Variants in ARHGAP8 observed in about 807,000 individuals in gnomAD.
ARHGAP8 encodes Rho GTPase activating protein 8.
Under a neutral mutation model 46.1 loss-of-function variants are expected in ARHGAP8, and 62 were observed. That is an observed-to-expected ratio of 1.34 (90% CI 1.10 to 1.66). ARHGAP8 has a LOEUF of 1.66. ARHGAP8 is among the 40% of genes most tolerant of loss of function. The probability of loss-of-function intolerance (pLI) is 0.00; values close to 1 mark genes in which losing one functional copy is unlikely to be tolerated. For synonymous variants in ARHGAP8, 375 were observed against 243.1 expected (o/e 1.54, Z -5.05); for missense variants, 923 against 568.4 (o/e 1.62, Z -6.34).
intron 5 of ARHGAP8, among the ~76,000 whole-genome samples, chr22:44,819,820 C>A (rs1413848611): frequency 6.6e-6 from 1 of 152,174 alleles, no homozygotes; most frequent in Non-Finnish European, 1.5e-5. Context: ...GGTTGGTGCT[C>A]AGAGAGGTTA....
chr22:44,792,197 A>G (rs1927742355), intron 2 of ARHGAP8, among the ~76,000 whole-genome samples: 1 of 152,054 alleles, frequency 6.6e-6, no homozygotes, highest in African/African-American at 2.4e-5. Context: ...TTTTTAGTAG[A>G]GATGGGGTTT....
intron 1 of ARHGAP8, among the ~76,000 whole-genome samples, chr22:44,755,033 T>A (rs761159942): frequency 6.6e-6 from 1 of 152,098 alleles, no homozygotes; most frequent in Non-Finnish European, 1.5e-5. Context: ...TGGCTGTCCT[T>A]CCCCACTGCG....
rs993543613 is a variant in ARHGAP8 at position 44,840,732 on chromosome 22, C to T, written c.597-4537C>T. On this transcript the variant is annotated intron_variant, in intron 7 of 11. Transcript: ENST00000356099. ...CCGTTGGCTCACAGCTCAACGAAGC[C>T]GGCACATCCCTTTTCGTGATGAGGA... Among the ~76,000 whole-genome samples the T allele has an allele frequency of 7.9e-5, 12 of 152,310 alleles. 1 individual carries two copies. The highest frequency in any genetic ancestry group is 2.1e-4 in the South Asian group (1 of 4,820).
chr22:44,837,183 C>A (rs897384048), intron 7 of ARHGAP8, among the ~76,000 whole-genome samples: 4 of 152,222 alleles, frequency 2.6e-5, no homozygotes, highest in Non-Finnish European at 4.4e-5. Context: ...CTGCACCCAG[C>A]CCCTACTGTT....
intron 1 of ARHGAP8, among the ~76,000 whole-genome samples, chr22:44,762,344 G>GAGGATC (rs1268212683): frequency 6.6e-6 from 1 of 152,038 alleles, no homozygotes; most frequent in African/African-American, 2.4e-5. Context: ...GCTGAGGTGG[G>GAGGATC]AGGATCGCTT....
At chr22:44,776,403 G>A (rs1008479907) in intron 1 of ARHGAP8, among the ~76,000 whole-genome samples, 3 of 151,962 alleles carry the variant, frequency 2.0e-5, no homozygotes, top group Non-Finnish European at 2.9e-5. Context: ...AGTGAGCTGA[G>A]GTCGCGCCAT....
At chr22:44,857,717 A>G (rs2070270079) in intron 10 of ARHGAP8, among the ~76,000 whole-genome samples, 1 of 152,178 alleles carries the variant, frequency 6.6e-6, no homozygotes, top group African/African-American at 2.4e-5. Context: ...CCAGAGGAGA[A>G]AGGGGAGGTC....
intron 7 of ARHGAP8, among the ~76,000 whole-genome samples, chr22:44,828,477 TCTCA>T (rs1679395344): frequency 6.8e-6 from 1 of 146,108 alleles, no homozygotes; most frequent in Non-Finnish European, 1.5e-5. Context: ...TGAAATGGAG[TCTCA>T]CTCTGTTGCC....
chr22:44,859,805 C>A lies in ARHGAP8; in HGVS notation c.952C>A (p.Leu318Ile), dbSNP rs772476750. Reference protein sequence around the residue: ...RSLPEHNYVVLRYLMGFLHAV... With the variant: ...RSLPEHNYVVIRYLMGFLHAV... ...CCTCCCAGAGCACAACTACGTCGTC[C>A]TCCGCTACCTCATGGGCTTCCTGCA... The change falls in exon 11 of 12, where the codon CTC (leucine) becomes ATC (isoleucine). Residue 318 changes from leucine to isoleucine, a missense_variant. Physicochemically the swap from Leu to Ile is conservative, Grantham distance 5. Coordinates refer to ENST00000356099, the MANE Select transcript of ARHGAP8 (RefSeq NM_181335.3). The A allele has an allele frequency of 3.7e-6, 6 of 1,613,950 alleles. No individual in the cohort carries two copies. In the African/African-American group the frequency reaches 8.0e-5, roughly 22 times the overall value.
Position 44,859,771 on chromosome 22 carries a change from C to G in ARHGAP8, c.918C>G (p.Ile306Met), listed in dbSNP as rs538813080. Residue 306 changes from isoleucine to methionine, a missense_variant, in exon 11 of 12, where the codon ATC becomes ATG. Transcript: ENST00000356099. Reference sequence around the variant, plus strand: ...TGCGTGTCACTGGCTGCCGCCAGATCTTACGGAGCCTCCCAGAGCACAACT... The same window carrying G: ...TGCGTGTCACTGGCTGCCGCCAGATGTTACGGAGCCTCCCAGAGCACAACT... ...SSLRVTGCRQ[I>M]LRSLPEHNYV... is the part of the protein sequence containing the mutation. The G allele has an allele frequency of 1.9e-6, 3 of 1,613,972 alleles. No individual in the cohort carries two copies. Among genetic ancestry groups the G allele is most frequent in the Non-Finnish European group, 1.7e-6 (2 of 1,180,042 alleles).
At chr22:44,810,557 C>T (rs980043568) in intron 4 of ARHGAP8, among the ~76,000 whole-genome samples, 6 of 152,110 alleles carry the variant, frequency 3.9e-5, no homozygotes, top group Admixed American at 2.0e-4. Flanking sequence ...TTTTATTAAG[C>T]GTTAGATGGG....
chr22:44,840,981 C>T (rs888473342), intron 7 of ARHGAP8, among the ~76,000 whole-genome samples: 1 of 152,222 alleles, frequency 6.6e-6, no homozygotes, highest in Non-Finnish European at 1.5e-5. Context: ...CCGTGCCAGG[C>T]ACTGCCAGCT....
At chr22:44,822,779 T>G (rs1010610555) in intron 6 of ARHGAP8, among the ~76,000 whole-genome samples, 2 of 152,354 alleles carry the variant, frequency 1.3e-5, no homozygotes, top group East Asian at 3.9e-4. Context: ...TTTTTGCTTT[T>G]GAGCAGAAAA....
At chr22:44,759,238 C>A (rs9614567) in intron 1 of ARHGAP8, among the ~76,000 whole-genome samples, 1 of 152,096 alleles carries the variant, frequency 6.6e-6, no homozygotes, top group African/African-American at 2.4e-5. Context: ...GAGACTCAGA[C>A]GTGAGTCAGA....
intron 2 of ARHGAP8, among the ~76,000 whole-genome samples, chr22:44,792,745 A>C (rs1356718407): frequency 2.6e-5 from 4 of 151,932 alleles, no homozygotes. Flanking sequence ...TTGAGTGACC[A>C]TATGCTTGGC....
rs541161818 is a variant in ARHGAP8 at position 44,797,786 on chromosome 22, G to C, written c.80-4291G>C. On this transcript the variant is annotated intron_variant, in intron 2 of 11. Coordinates refer to ENST00000356099, the MANE Select transcript of ARHGAP8 (RefSeq NM_181335.3). The stretch of plus-strand genomic sequence containing the variant: ...TGTGCGCTCATGCCAGTGTGCATGT[G>C]AGTACGTGTGTGCACGCAAGTGTGT... Among the ~76,000 whole-genome samples, 3 of 152,260 alleles carry C rather than the reference G, an allele frequency of 2.0e-5. No homozygotes were observed. The South Asian group carries it at 6.2e-4, about 32-fold the overall frequency.
intron 9 of ARHGAP8, among the ~76,000 whole-genome samples, chr22:44,848,417 A>G (rs2070013779): frequency 6.6e-6 from 1 of 152,240 alleles, no homozygotes; most frequent in Admixed American, 6.5e-5. Flanking sequence ...CTTAACTGCC[A>G]TGTGTAACCC....
chr22:44,819,142 C>A (rs1929954859), intron 5 of ARHGAP8, among the ~76,000 whole-genome samples: 1 of 152,198 alleles, frequency 6.6e-6, no homozygotes, highest in Non-Finnish European at 1.5e-5. Context: ...CATCACGGCT[C>A]ACTGTAGCCT....
chr22:44,754,584 G>C (rs1304069281), intron 1 of ARHGAP8, among the ~76,000 whole-genome samples: 1 of 152,078 alleles, frequency 6.6e-6, no homozygotes, highest in African/African-American at 2.4e-5. Context: ...TCAAACTCCT[G>C]ACCTCAGACG....
Sources: allele counts gnomAD v4.1 joint callset (sites outside exome capture counted in the v4.1 genomes callset), GRCh38; gene constraint gnomAD v4.1.1; transcripts MANE v1.5; gene names NCBI Gene and HGNC (gene_info 2026-07-23, HGNC 2026-07-21).